Variants in LRP1B observed in about 807,000 individuals in gnomAD.
The protein encoded by LRP1B is low-density lipoprotein receptor-related protein 1B.
A neutral mutation model predicts 556.6 loss-of-function variants in LRP1B; 217 were observed. That is an observed-to-expected ratio of 0.39 (90% confidence interval 0.35 to 0.44). LRP1B has a LOEUF of 0.44. Among genes scored for constraint, LRP1B ranks in the 20% least tolerant of loss-of-function variants. The probability of loss-of-function intolerance (pLI) is 1.00; values close to 1 mark genes in which losing one functional copy is unlikely to be tolerated. For missense variants in LRP1B, 5,053 were observed against 5,620.8 expected (o/e 0.90, Z 3.23); for synonymous variants, 2,047 against 1,865.8 (o/e 1.10, Z -2.50).
chr2:140,646,200 C>T (rs1004192743), intron 41 of LRP1B, among the ~76,000 whole-genome samples: 2 of 152,090 alleles, frequency 1.3e-5, no homozygotes, highest in Admixed American at 1.3e-4. Flanking sequence ...TGTTTCTTTT[C>T]CCCCCAGATA....
chr2:141,064,589 T>C (rs977395271), intron 7 of LRP1B, among the ~76,000 whole-genome samples: 5 of 151,998 alleles, frequency 3.3e-5, no homozygotes, highest in South Asian at 2.1e-4. Context: ...CTGTTCACTT[T>C]TGATTGAAAT....
intron 5 of LRP1B, among the ~76,000 whole-genome samples, chr2:141,235,394 A>G (rs906273438): frequency 1.3e-5 from 2 of 152,132 alleles, no homozygotes; most frequent in African/African-American, 4.8e-5. Flanking sequence ...ATAATCAGGT[A>G]TGATATCTTT....
intron 3 of LRP1B, among the ~76,000 whole-genome samples, chr2:141,473,669 C>T (rs1249645588): frequency 6.6e-6 from 1 of 152,100 alleles, no homozygotes; most frequent in Non-Finnish European, 1.5e-5. Flanking sequence ...GCTCACAAAC[C>T]TAGGTCTTCC....
chr2:141,544,343 C>CTTCTTCTTCTTCTTCTTCTT lies in LRP1B; in HGVS notation c.206-63830_206-63811dup, dbSNP rs1559131272. Among the ~76,000 whole-genome samples, 45 of 83,506 alleles carry CTTCTTCTTCTTCTTCTTCTT rather than the reference C, an allele frequency of 5.4e-4. 1 individual carries two copies. Among genetic ancestry groups the CTTCTTCTTCTTCTTCTTCTT allele is most frequent in the African/African-American group, 1.7e-3 (37 of 21,612 alleles). The allele number at this position is 83,506 out of a possible 152,430, so 54.8% of individuals were successfully genotyped here. On this transcript the variant is annotated intron_variant, in intron 2 of 90. Coordinates refer to ENST00000389484, the MANE Select transcript of LRP1B (RefSeq NM_018557.3). ...TCTTCTTCTTCTTCTTCTTCTTCTT[C>CTTCTTCTTCTTCTTCTTCTT]TTCTTCTTCTTCTTCTTCTTCTTCT... is the stretch of plus-strand genomic sequence containing the variant.
intron 31 of LRP1B, among the ~76,000 whole-genome samples, chr2:140,825,689 G>A (rs1691478144): frequency 6.6e-6 from 1 of 151,908 alleles, no homozygotes; most frequent in Non-Finnish European, 1.5e-5. Context: ...TTAAAAAGAA[G>A]GATCAATTGT....
At chr2:141,784,960 G>A (rs1695381874) in intron 2 of LRP1B, among the ~76,000 whole-genome samples, 2 of 151,936 alleles carry the variant, frequency 1.3e-5, no homozygotes, top group South Asian at 4.1e-4. Flanking sequence ...TAGGTGGATA[G>A]ATATGGCAGT....
At chr2:141,061,201 C>G (rs1699325123) in intron 8 of LRP1B, among the ~76,000 whole-genome samples, 1 of 151,624 alleles carries the variant, frequency 6.6e-6, no homozygotes, top group African/African-American at 2.4e-5. Flanking sequence ...CCACCCCAGA[C>G]AGATTAGTGC....
chr2:141,465,238 C>T (rs1191755256), intron 3 of LRP1B, among the ~76,000 whole-genome samples: 1 of 151,742 alleles, frequency 6.6e-6, no homozygotes, highest in Non-Finnish European at 1.5e-5. Flanking sequence ...CAAGTGTAAG[C>T]TTGTATTTGA....
At position 140,702,626 on chromosome 2, in the gene LRP1B, T is replaced by C. The variant is rs1686690964; in HGVS notation, c.6024-73A>G. 7 of 1,401,370 alleles carry C rather than the reference T, an allele frequency of 5.0e-6. No homozygotes were observed. In the South Asian group the frequency reaches 6.0e-5, roughly 12 times the overall value. The allele number at this position is 1,401,370 out of a possible 1,614,324, so 86.8% of individuals were successfully genotyped here. On this transcript the variant is annotated intron_variant, in intron 37 of 90. Coordinates refer to ENST00000389484, the MANE Select transcript of LRP1B (RefSeq NM_018557.3). ...GTATGCAGAGCTATGCAAAAAGACA[T>C]TACTAATAACAGCAGTAGCATTCAC...
At chr2:141,002,284 T>A (rs1396186056) in intron 15 of LRP1B, among the ~76,000 whole-genome samples, 1 of 152,046 alleles carries the variant, frequency 6.6e-6, no homozygotes, top group Non-Finnish European at 1.5e-5. Flanking sequence ...AGTATGTAAT[T>A]ACAGAATAGA....
chr2:140,615,554 C>A (rs1301629085), intron 41 of LRP1B, among the ~76,000 whole-genome samples: 1 of 152,056 alleles, frequency 6.6e-6, no homozygotes. Flanking sequence ...CTTGGTTATG[C>A]TTAAAGATTT....
At chr2:140,349,693 C>T (rs1405589209) in intron 77 of LRP1B, among the ~76,000 whole-genome samples, 1 of 152,046 alleles carries the variant, frequency 6.6e-6, no homozygotes, top group Non-Finnish European at 1.5e-5. Flanking sequence ...TCATTAACAA[C>T]AGATGCCATG....
chr2:141,486,764 G>A (rs1363745551), intron 2 of LRP1B, among the ~76,000 whole-genome samples: 1 of 150,820 alleles, frequency 6.6e-6, no homozygotes, highest in Middle Eastern at 3.2e-3. Context: ...AGTTGCTTTT[G>A]CTCTTTAAAC....
At chr2:140,837,090 A>T (rs954592304) in intron 31 of LRP1B, among the ~76,000 whole-genome samples, 1 of 152,206 alleles carries the variant, frequency 6.6e-6, no homozygotes, top group Non-Finnish European at 1.5e-5. Context: ...ATTCCAGTCT[A>T]TTGGACCTAA....
At position 140,254,128 on chromosome 2, in the gene LRP1B, G is replaced by T. The variant is rs185193296; in HGVS notation, c.13248-6966C>A. 2.0e-5 allele frequency among the ~76,000 whole-genome samples: 3 copies of T among 151,856 alleles called. No individual in the cohort carries two copies. The East Asian group carries it at 5.8e-4, about 29-fold the overall frequency. ...TTTCTTAGGGTCTCAGAGGTACAGGGTTATGAGACTTGAAATTATAAAGGC... is the reference window on the plus strand; with the variant it reads ...TTTCTTAGGGTCTCAGAGGTACAGGTTTATGAGACTTGAAATTATAAAGGC... On this transcript the variant is annotated intron_variant, in intron 86 of 90. Coordinates refer to ENST00000389484, the MANE Select transcript of LRP1B (RefSeq NM_018557.3).
chr2:140,954,115 C>A (rs991684143), intron 18 of LRP1B, among the ~76,000 whole-genome samples: 1 of 152,132 alleles, frequency 6.6e-6, no homozygotes, highest in African/African-American at 2.4e-5. Flanking sequence ...AGATTTTGTT[C>A]ATGTCAGCCA....
intron 2 of LRP1B, among the ~76,000 whole-genome samples, chr2:141,489,656 G>C (rs1217657106): frequency 6.6e-6 from 1 of 151,998 alleles, no homozygotes; most frequent in African/African-American, 2.4e-5. Flanking sequence ...TATTTCATAA[G>C]ATCTTGTTCT....
intron 27 of LRP1B, among the ~76,000 whole-genome samples, chr2:140,860,277 G>A (rs1275855728): frequency 6.6e-6 from 1 of 152,102 alleles, no homozygotes; most frequent in African/African-American, 2.4e-5. Flanking sequence ...AGTATAACTG[G>A]TATGATTACA....
chr2:140,513,881 G>T (rs1689769254), intron 51 of LRP1B, among the ~76,000 whole-genome samples: 1 of 151,858 alleles, frequency 6.6e-6, no homozygotes, highest in Admixed American at 6.6e-5. Context: ...TATAGCTACA[G>T]GTACAAATGC....
Sources: allele counts gnomAD v4.1 joint callset (sites outside exome capture counted in the v4.1 genomes callset), GRCh38; gene constraint gnomAD v4.1.1; transcripts MANE v1.5; gene names NCBI Gene and HGNC (gene_info 2026-07-23, HGNC 2026-07-21).